The following CACFD1 variants were observed in gnomAD, a reference collection of about 807,000 sequenced individuals.
CACFD1 encodes the protein calcium channel flower homolog.
CACFD1 carries 26 observed loss-of-function variants against 21.3 expected under a neutral mutation model. That is an observed-to-expected ratio of 1.22 (90% CI 0.89 to 1.69). The LOEUF (loss-of-function observed/expected upper bound fraction) is 1.69. Ranked by LOEUF, CACFD1 falls within the 40% of genes most tolerant of loss-of-function variation. The pLI, the probability that CACFD1 is intolerant of heterozygous loss-of-function variation, is 0.00. For missense variants in CACFD1, 265 were observed against 236.2 expected (o/e 1.12, Z -0.80); for synonymous variants, 121 against 106.6 (o/e 1.13, Z -0.83).
At chr9:133,463,616 C>T (rs1381616233) in intron 2 of CACFD1, 61 bp downstream of exon 2, 5 of 1,558,506 alleles carry the variant, frequency 3.2e-6, no homozygotes, top group Non-Finnish European at 3.5e-6. Context: ...TGCTGGGCAC[C>T]TCCCGGGACA....
At position 133,468,747 on chromosome 9, in the gene CACFD1, A is replaced by G; in HGVS notation, c.*94A>G. ...GTCCACGCTGAGGCACAGCCTGGAGAGGGGCCTTTGCACGTGTCCCTACAC... is the reference window on the plus strand; with the variant it reads ...GTCCACGCTGAGGCACAGCCTGGAGGGGGGCCTTTGCACGTGTCCCTACAC... On this transcript the variant is annotated 3_prime_UTR_variant, in exon 5 of 5. Transcript: ENST00000316948. 1 of 1,456,094 alleles carries G rather than the reference A, an allele frequency of 6.9e-7. No homozygotes were observed. The highest frequency in any genetic ancestry group is 9.0e-7 in the Non-Finnish European group (1 of 1,105,790). 90.2% of individuals were successfully genotyped at this position (1,456,094 alleles called of 1,614,324 possible).
At chr9:133,460,316 C>A (rs1843100077) in intron 1 of CACFD1, 129 bp downstream of exon 1, 1 of 881,224 alleles carries the variant, frequency 1.1e-6, no homozygotes, top group Non-Finnish European at 1.5e-6. Context: ...CCGGGCGCCT[C>A]CCGGGGCGGA....
chr9:133,465,720 A>C lies in CACFD1; in HGVS notation c.320+273A>C. 1 of 392,346 alleles carries C rather than the reference A, an allele frequency of 2.5e-6. No homozygotes were observed. The highest frequency in any genetic ancestry group is 3.5e-5 in the South Asian group (1 of 28,722). The allele number at this position is 392,346 out of a possible 1,614,324, so 24.3% of individuals were successfully genotyped here. A position where few individuals can be genotyped will look rare whatever the true frequency, so the allele number is the denominator to read the frequency against. ...GTGGCAGCATCCGTGCAGTGGAGAG[A>C]AAGTGGGAAGCGTCTGGAATTTTGG... On this transcript the variant is annotated intron_variant, in intron 3 of 4. Coordinates refer to ENST00000316948, the MANE Select transcript of CACFD1 (RefSeq NM_017586.5). This position sits in a 1 kb window ranked among gnomAD's most constrained non-coding sequence, Gnocchi z 5.0.
chr9:133,460,401 CCCCGG>C (rs1843107388), intron 1 of CACFD1, among the ~76,000 whole-genome samples: 1 of 114,004 alleles, frequency 8.8e-6, no homozygotes, highest in South Asian at 3.5e-4. Flanking sequence ...CGCCTTGGTA[CCCCGG>C]GCTGGGCTGG....
At chr9:133,462,317 C>A (rs782490350) in intron 1 of CACFD1, 194 of 1,296,450 alleles carry the variant, frequency 1.5e-4, no homozygotes, top group Non-Finnish European at 1.8e-4. Context: ...TCTGGAACAC[C>A]TTGCTGTCTG....
intron 1 of CACFD1, 29 bp downstream of exon 1, chr9:133,460,216 GC>G: frequency 6.7e-7 from 1 of 1,501,620 alleles, no homozygotes; most frequent in Non-Finnish European, 8.9e-7. Flanking sequence ...AGAGGGGCCG[GC>G]CCCGCCGCGC....
At chr9:133,464,505 A>C (rs1293283632) in intron 2 of CACFD1, among the ~76,000 whole-genome samples, 7 of 151,832 alleles carry the variant, frequency 4.6e-5, no homozygotes, top group African/African-American at 2.4e-5. Context: ...TTGTGAAGAG[A>C]GTGCCTGCCC....
At position 133,470,650 on chromosome 9, in the gene CACFD1, C is replaced by G. The variant is rs749596475; in HGVS notation, c.*1997C>G. ...CCTGCCTTGCAAGGAACGTCTCTTC[C>G]GGCGGCTGGGCCGCTCCTGCCTGGT... On this transcript the variant is annotated 3_prime_UTR_variant, in exon 5 of 5. Coordinates refer to ENST00000316948, the MANE Select transcript of CACFD1 (RefSeq NM_017586.5). The G allele has an allele frequency of 6.6e-6, 1 of 152,514 alleles. No homozygotes were observed. The highest frequency in any genetic ancestry group is 1.5e-5 in the Non-Finnish European group (1 of 68,256). The allele number at this position is 152,514 out of a possible 1,614,324, so 9.4% of individuals were successfully genotyped here.
chr9:133,468,369 C>T, intron 4 of CACFD1, 194 bp from the exon 5 acceptor site: 1 of 1,535,870 alleles, frequency 6.5e-7, no homozygotes, highest in Non-Finnish European at 8.7e-7. Flanking sequence ...TCCTTCGCAG[C>T]CCAGCATCCC....
intron 1 of CACFD1, 91 bp from the exon 2 acceptor site, chr9:133,463,392 T>A: frequency 6.2e-7 from 1 of 1,602,214 alleles, no homozygotes; most frequent in Non-Finnish European, 8.5e-7. Context: ...CCGCAGAGAC[T>A]CTCGTCCTTT....
At chr9:133,461,153 G>A (rs1178814206) in intron 1 of CACFD1, among the ~76,000 whole-genome samples, 1 of 152,260 alleles carries the variant, frequency 6.6e-6, no homozygotes, top group African/African-American at 2.4e-5. Context: ...CTGGCAGAGA[G>A]GGCTAGCTCT....
rs1554800523 is a variant in CACFD1 at position 133,469,718 on chromosome 9, C to G, written c.*1065C>G. 1 of 152,306 alleles carries G rather than the reference C, an allele frequency of 6.6e-6. No homozygotes were observed. The allele number at this position is 152,306 out of a possible 1,614,324, so 9.4% of individuals were successfully genotyped here. ...CCCTGTGGCCTCAGCCCGCTGGCCT[C>G]TCTGACCGTGAGGCTGGCTCTCAGC... On this transcript the variant is annotated 3_prime_UTR_variant, in exon 5 of 5. Coordinates refer to ENST00000316948, the MANE Select transcript of CACFD1 (RefSeq NM_017586.5).
Position 133,461,797 on chromosome 9 carries a change from C to G in CACFD1, c.121+1610C>G, listed in dbSNP as rs183020635. On this transcript the variant is annotated intron_variant, in intron 1 of 4. Coordinates refer to ENST00000316948, the MANE Select transcript of CACFD1 (RefSeq NM_017586.5). The stretch of plus-strand genomic sequence containing the variant: ...TTTGGGGGCATGGTTATGTGAACAT[C>G]AAAATGCTGTATTACAGGGTAGAAT... 3.8e-3 allele frequency: 3,373 copies of G among 897,768 alleles called. 18 individuals carry two copies. Among genetic ancestry groups the G allele is most frequent in the Non-Finnish European group, 4.0e-3 (2,995 of 750,096 alleles). The allele number at this position is 897,768 out of a possible 1,614,324, so 55.6% of individuals were successfully genotyped here.
intron 1 of CACFD1, chr9:133,462,245 A>G (rs957448216): frequency 3.3e-5 from 43 of 1,304,140 alleles, no homozygotes; most frequent in Non-Finnish European, 4.3e-5. Context: ...GCAGAGAGGC[A>G]GGGAGCCGTG....
At chr9:133,460,220 C>A in intron 1 of CACFD1, 33 bp downstream of exon 1, 1 of 1,501,140 alleles carries the variant, frequency 6.7e-7, no homozygotes, top group Non-Finnish European at 8.9e-7. Context: ...GGGCCGGCCC[C>A]GCCGCGCATG....
chr9:133,464,083 A>G (rs1843331420), intron 2 of CACFD1, among the ~76,000 whole-genome samples: 1 of 152,218 alleles, frequency 6.6e-6, no homozygotes, highest in Admixed American at 6.5e-5. Context: ...TGTGCGTTCC[A>G]TGCCCACCTC....
Position 133,468,884 on chromosome 9 carries a change from C to A in CACFD1, c.*231C>A. On this transcript the variant is annotated 3_prime_UTR_variant, in exon 5 of 5. Transcript: ENST00000316948. Reference sequence around the variant, plus strand: ...GCAGAGCCTGCAGCAGCTGTGTGGACACTACCCAGCCCTACTCCTCTGCTG... The same window carrying A: ...GCAGAGCCTGCAGCAGCTGTGTGGAAACTACCCAGCCCTACTCCTCTGCTG... 1.5e-6 allele frequency: 1 copy of A among 652,482 alleles called. No individual in the cohort carries two copies. The highest frequency in any genetic ancestry group is 2.5e-6 in the Non-Finnish European group (1 of 398,926). The allele number at this position is 652,482 out of a possible 1,614,324, so 40.4% of individuals were successfully genotyped here. A position where few individuals can be genotyped will look rare whatever the true frequency, so the allele number is the denominator to read the frequency against.
Position 133,460,023 on chromosome 9 carries a change from C to A in CACFD1, c.-44C>A. 1.3e-6 allele frequency: 2 copies of A among 1,503,394 alleles called. No individual in the cohort carries two copies. Among genetic ancestry groups the A allele is most frequent in the Non-Finnish European group, 1.8e-6 (2 of 1,126,514 alleles). The allele number at this position is 1,503,394 out of a possible 1,614,324, so 93.1% of individuals were successfully genotyped here. On this transcript the variant is annotated 5_prime_UTR_variant, in exon 1 of 5. Coordinates refer to ENST00000316948, the MANE Select transcript of CACFD1 (RefSeq NM_017586.5). ...CGCCGGCTCGGACGCGGCCGGCTAC[C>A]GAGCCCTTTGTGAGGGCTGTGAGCT...
At position 133,468,566 on chromosome 9, in the gene CACFD1, C is replaced by A; in HGVS notation, c.432C>A (p.Gly144=). The stretch of plus-strand genomic sequence containing the variant: ...CGCTGCCTCTCTCTCTCCCCAGGGG[C>A]GATGCGATCTCCTATGCCAGGATCC... ...LYGLSALGKK[G]DAISYARIQQ... is the part of the protein sequence containing the mutation. The change falls in exon 5 of 5, where the codon GGC becomes GGA. Residue 144 remains glycine (G), a synonymous_variant. Transcript: ENST00000316948. 1 of 1,578,930 alleles carries A rather than the reference C, an allele frequency of 6.3e-7. No homozygotes were observed.
Sources: allele counts gnomAD v4.1 joint callset (sites outside exome capture counted in the v4.1 genomes callset), GRCh38; gene constraint gnomAD v4.1.1; non-coding constraint Gnocchi (gnomAD v3.1); transcripts MANE v1.5; gene names NCBI Gene and HGNC (gene_info 2026-07-23, HGNC 2026-07-21).